Variants in DNASE2 observed in about 807,000 individuals in gnomAD.
DNASE2 encodes the protein deoxyribonuclease-2-alpha.
A neutral mutation model predicts 29.8 loss-of-function variants in DNASE2; 26 were observed. That is an observed-to-expected ratio of 0.87 (90% CI 0.64 to 1.21). DNASE2 has a LOEUF of 1.21. Ranked by LOEUF, DNASE2 falls within the 50% of genes most tolerant of loss-of-function variation. DNASE2 has a pLI of 0.00. For synonymous variants in DNASE2, 186 were observed against 193.5 expected (o/e 0.96, Z 0.32); for missense variants, 415 against 455.6 (o/e 0.91, Z 0.81).
rs374018333 is a variant in DNASE2, at chr19:12,875,591, A to C, written c.*399T>G. ...ATATTTTTAATGGATATGGGGTTTC[A>C]CCATGTTGGCCAGGCTGGTCTCGAA... On this transcript the variant is annotated 3_prime_UTR_variant, in exon 6 of 6. Coordinates refer to ENST00000222219, the MANE Select transcript of DNASE2 (RefSeq NM_001375.3). The C allele has an allele frequency of 3.6e-4, 72 of 197,272 alleles. 2 individuals are homozygous for C. In the South Asian group the frequency reaches 6.1e-3, roughly 17 times the overall value. The allele number at this position is 197,272 out of a possible 1,614,324, so 12.2% of individuals were successfully genotyped here.
Position 12,876,272 on chromosome 19 carries a change from G to C in DNASE2, c.801C>G (p.Cys267Trp). The change falls in exon 6 of 6, where the codon TGC becomes TGG. Residue 267 changes from cysteine (C) to tryptophan (W), a missense_variant. Transcript: ENST00000222219. ...HKTVGILPSN[C>W]SDIWQVLNVN... ...CATTCAGAACCTGCCAGATATCCGA[G>C]CAGTTAGAGGGCAGGATGCCTACAG... 1 of 1,614,146 alleles carries C rather than the reference G, an allele frequency of 6.2e-7. No individual in the cohort carries two copies. The highest frequency in any genetic ancestry group is 8.5e-7 in the Non-Finnish European group (1 of 1,180,028).
intron 5 of DNASE2, 195 bp downstream of exon 5, chr19:12,878,187 A>G: frequency 1.5e-6 from 1 of 674,292 alleles, no homozygotes; most frequent in South Asian, 1.7e-5. Context: ...TTTTCAGATG[A>G]GTAGACCAAG....
intron 3 of DNASE2, among the ~76,000 whole-genome samples, chr19:12,880,313 G>T (rs574705404): frequency 2.0e-5 from 3 of 151,664 alleles, no homozygotes; most frequent in Admixed American, 1.3e-4. Context: ...TGACAGGGGA[G>T]ATCTCCCACC....
intron 5 of DNASE2, 79 bp downstream of exon 5, chr19:12,878,303 G>A: frequency 6.4e-7 from 1 of 1,565,660 alleles, no homozygotes; most frequent in Non-Finnish European, 8.8e-7. Context: ...CTCTACCGCT[G>A]ACTTGAACTC....
Position 12,878,516 on chromosome 19 carries a change from T to G in DNASE2, c.575A>C (p.Gln192Pro), listed in dbSNP as rs147237033. 44 of 1,614,162 alleles carry G rather than the reference T, an allele frequency of 2.7e-5. No individual in the cohort carries two copies. The African/African-American group carries it at 5.5e-4, about 20-fold the overall frequency. ...YNYQLEGIFAQEFPDLENVVK... is the reference protein window; with the variant it reads ...YNYQLEGIFAPEFPDLENVVK... ...CACATTCTCCAAGTCGGGGAATTCCTGGGCAAAGATCCCTTCCAGCTGGTA... is the reference window on the plus strand; with the variant it reads ...CACATTCTCCAAGTCGGGGAATTCCGGGGCAAAGATCCCTTCCAGCTGGTA... Residue 192 changes from glutamine to proline, a missense_variant, in exon 5 of 6, where the codon CAG becomes CCG. Gln to Pro is a moderately conservative substitution (Grantham distance 76). Transcript: ENST00000222219.
At chr19:12,880,477 G>A (rs891381281) in intron 3 of DNASE2, among the ~76,000 whole-genome samples, 2 of 151,992 alleles carry the variant, frequency 1.3e-5, no homozygotes, top group Non-Finnish European at 2.9e-5. Flanking sequence ...GGCCAACATG[G>A]TGAAACCTCG....
At chr19:12,880,655 T>C in intron 3 of DNASE2, 147 bp downstream of exon 3, 1 of 1,058,780 alleles carries the variant, frequency 9.4e-7, no homozygotes, top group East Asian at 2.5e-5. Context: ...ACTCCCACCG[T>C]CTCAAAAACA....
Position 12,875,316 on chromosome 19 carries a change from C to G in DNASE2, c.*674G>C. 5.4e-6 allele frequency: 1 copy of G among 186,424 alleles called. No individual in the cohort carries two copies. The highest frequency in any genetic ancestry group is 1.1e-5 in the Non-Finnish European group (1 of 88,392). The allele number at this position is 186,424 out of a possible 1,614,324, so 11.5% of individuals were successfully genotyped here. A position where few individuals can be genotyped will look rare whatever the true frequency, so the allele number is the denominator to read the frequency against. ...TCACAGAGCGGTTAAGGCACACAAT[C>G]AAGGTCATACAGCTAGGAAGGGGAT... is the stretch of plus-strand genomic sequence containing the variant. On this transcript the variant is annotated 3_prime_UTR_variant, in exon 6 of 6. Coordinates refer to ENST00000222219, the MANE Select transcript of DNASE2 (RefSeq NM_001375.3).
chr19:12,876,454 ATTTCCT>A, intron 5 of DNASE2, 91 bp from the exon 6 acceptor site: 1 of 1,241,136 alleles, frequency 8.1e-7, no homozygotes, highest in Non-Finnish European at 1.1e-6. Context: ...CAGTTTCCAT[ATTTCCT>A]TTTTTTTTTT....
intron 3 of DNASE2, among the ~76,000 whole-genome samples, chr19:12,880,594 T>A (rs1349352971): frequency 6.6e-6 from 1 of 151,974 alleles, no homozygotes; most frequent in African/African-American, 2.4e-5. Flanking sequence ...AGGCAGAGAT[T>A]GCAGTGAGCC....
At chr19:12,876,932 C>T (rs529201465) in intron 5 of DNASE2, among the ~76,000 whole-genome samples, 1 of 152,090 alleles carries the variant, frequency 6.6e-6, no homozygotes, top group Non-Finnish European at 1.5e-5. Flanking sequence ...AAGCGATTCT[C>T]ATGCCTCAGC....
At chr19:12,877,192 G>A (rs1970331081) in intron 5 of DNASE2, among the ~76,000 whole-genome samples, 1 of 151,848 alleles carries the variant, frequency 6.6e-6, no homozygotes, top group Admixed American at 6.6e-5. Context: ...CCCAAAATGT[G>A]GGGATTACAG....
Position 12,875,707 on chromosome 19 carries a change from C to A in DNASE2, c.*283G>T. ...CTGCACCCACCCGTCCCCCGCCCCC[C>A]CTTTTTTTTTGAAACAGAGTCTTGC... On this transcript the variant is annotated 3_prime_UTR_variant, in exon 6 of 6. Coordinates refer to ENST00000222219, the MANE Select transcript of DNASE2 (RefSeq NM_001375.3). The A allele has an allele frequency of 3.0e-6, 1 of 329,064 alleles. No homozygotes were observed. The highest frequency in any genetic ancestry group is 3.2e-5 in the South Asian group (1 of 31,628). 20.4% of individuals were successfully genotyped at this position (329,064 alleles called of 1,614,324 possible).
In DNASE2 at chr19:12,881,180, G is replaced by A. The variant is rs774177992; in HGVS notation, c.87-28C>T. 2.5e-6 allele frequency: 4 copies of A among 1,611,762 alleles called. No homozygotes were observed. In the Admixed American group the frequency reaches 6.7e-5, roughly 27 times the overall value. On this transcript the variant is annotated intron_variant, in intron 1 of 5. Transcript: ENST00000222219. ...GGAGGTCGGAGAATGCACAGAAATAGGAGAGAGGGAAGAGAAGGCACCCCA... is the reference window on the plus strand; with the variant it reads ...GGAGGTCGGAGAATGCACAGAAATAAGAGAGAGGGAAGAGAAGGCACCCCA...
At chr19:12,876,741 C>T (rs943504154) in intron 5 of DNASE2, among the ~76,000 whole-genome samples, 12 of 151,864 alleles carry the variant, frequency 7.9e-5, no homozygotes, top group African/African-American at 1.2e-4. Context: ...TGTGTGTCAC[C>T]GCGCCCTGCC....
intron 5 of DNASE2, among the ~76,000 whole-genome samples, chr19:12,877,128 T>C (rs1970330661): frequency 6.6e-6 from 1 of 152,222 alleles, no homozygotes; most frequent in Non-Finnish European, 1.5e-5. Flanking sequence ...TTTCACCATG[T>C]TGGCCAGACT....
chr19:12,881,222 T>C (rs1347308532), intron 1 of DNASE2, 68 bp downstream of exon 1: 1 of 1,609,136 alleles, frequency 6.2e-7, no homozygotes, highest in East Asian at 2.2e-5. Context: ...CCCGAGGAGG[T>C]AGCCATCCCG....
chr19:12,879,146 A>AAGTAAGTAAG (rs1970351321), intron 3 of DNASE2, among the ~76,000 whole-genome samples: 1 of 144,802 alleles, frequency 6.9e-6, no homozygotes, highest in African/African-American at 2.6e-5. Context: ...CATCTCAAAC[A>AAGTAAGTAAG]TAAGTAAGTA....
intron 1 of DNASE2, 56 bp from the exon 2 acceptor site, chr19:12,881,208 G>C: frequency 1.2e-6 from 2 of 1,611,140 alleles, no homozygotes; most frequent in South Asian, 2.2e-5. Context: ...GCACCCCAGG[G>C]TTCCCCGAGG....
Sources: allele counts gnomAD v4.1 joint callset (sites outside exome capture counted in the v4.1 genomes callset), GRCh38; gene constraint gnomAD v4.1.1; transcripts MANE v1.5; gene names NCBI Gene and HGNC (gene_info 2026-07-23, HGNC 2026-07-21).